Variants in TXN2 observed in about 807,000 individuals in gnomAD.
TXN2 encodes the protein thioredoxin, mitochondrial.
TXN2 carries 12 observed loss-of-function variants against 14.6 expected under a neutral mutation model. The ratio of observed to expected loss-of-function variants is 0.82; its 90% CI spans 0.53 to 1.33. The LOEUF is 1.33. TXN2 is among the 40% of genes most tolerant of loss of function. TXN2 has a pLI of 0.00. For missense variants in TXN2, 173 were observed against 207.7 expected (o/e 0.83, Z 1.03); for synonymous variants, 89 against 81.0 (o/e 1.10, Z -0.53).
At chr22:36,470,426 T>G (rs960355848) in intron 3 of TXN2, among the ~76,000 whole-genome samples, 2 of 152,196 alleles carry the variant, frequency 1.3e-5, no homozygotes, top group African/African-American at 4.8e-5. Context: ...TTTGGTGCCC[T>G]CTAGTGGTCT....
Position 36,467,772 on chromosome 22 carries a change from C to G in TXN2, c.*32G>C. 1.3e-6 allele frequency: 2 copies of G among 1,579,068 alleles called. No homozygotes were observed. Among genetic ancestry groups the G allele is most frequent in the Non-Finnish European group, 1.7e-6 (2 of 1,149,608 alleles). On this transcript the variant is annotated 3_prime_UTR_variant, in exon 4 of 4. Coordinates refer to ENST00000216185, the MANE Select transcript of TXN2 (RefSeq NM_012473.4). ...GGCTGAGTTCTATTGGGGTCCCACG[C>G]GGGCAAGGGAACCAGGACTCATCCC...
intron 2 of TXN2, among the ~76,000 whole-genome samples, chr22:36,478,550 C>T (rs1031286922): frequency 8.5e-5 from 13 of 152,118 alleles, no homozygotes; most frequent in African/African-American, 2.2e-4. Flanking sequence ...AGTGCAATGG[C>T]GCGATCTCGG....
chr22:36,478,733 C>T (rs190842462), intron 2 of TXN2, among the ~76,000 whole-genome samples: 11 of 151,922 alleles, frequency 7.2e-5, no homozygotes, highest in East Asian at 1.9e-4. Context: ...GAGGCCAAGG[C>T]GGGAGAGAAT....
Position 36,467,972 on chromosome 22 carries a change from T to A in TXN2, c.388-55A>T, listed in dbSNP as rs897823638. The A allele has an allele frequency of 2.0e-5, 30 of 1,469,026 alleles. 1 individual carries two copies. In the African/African-American group the frequency reaches 2.8e-4, roughly 14 times the overall value. 91.0% of individuals were successfully genotyped at this position (1,469,026 alleles called of 1,614,324 possible). On this transcript the variant is annotated intron_variant, in intron 3 of 3. Transcript: ENST00000216185. Reference sequence around the variant, plus strand: ...GAATTGGGAGTGAATACTTCTCAACTGCCACTCCTGAGCCTTTGTGGGGAA... The same window carrying A: ...GAATTGGGAGTGAATACTTCTCAACAGCCACTCCTGAGCCTTTGTGGGGAA...
rs560388379 is a variant in TXN2, at chr22:36,471,064, G to A, written c.388-3147C>T. ...GGACTTCCCTCGACCCTGAGGAGGCGGCTGAAGCTCTGCTGCTCCTGTGTC... is the reference window on the plus strand; with the variant it reads ...GGACTTCCCTCGACCCTGAGGAGGCAGCTGAAGCTCTGCTGCTCCTGTGTC... On this transcript the variant is annotated intron_variant, in intron 3 of 3. Transcript: ENST00000216185. Among the ~76,000 whole-genome samples, 57 of 152,266 alleles carry A rather than the reference G, an allele frequency of 3.7e-4. No individual in the cohort carries two copies. In the South Asian group the frequency reaches 6.8e-3, roughly 18 times the overall value.
At chr22:36,471,385 C>T (rs764647999) in intron 3 of TXN2, among the ~76,000 whole-genome samples, 3 of 152,152 alleles carry the variant, frequency 2.0e-5, no homozygotes, top group Non-Finnish European at 4.4e-5. Flanking sequence ...CACTGAGCTC[C>T]GTGTCCTGGT....
intron 3 of TXN2, 105 bp from the exon 4 acceptor site, chr22:36,468,022 G>C (rs1933196160): frequency 1.0e-6 from 1 of 959,870 alleles, no homozygotes; most frequent in South Asian, 1.4e-5. Flanking sequence ...CCAGGGCACT[G>C]ACTTCCCAAA....
intron 2 of TXN2, among the ~76,000 whole-genome samples, chr22:36,477,596 C>T (rs1933412629): frequency 6.6e-6 from 1 of 152,182 alleles, no homozygotes; most frequent in Admixed American, 6.6e-5. Context: ...GGTAAACATG[C>T]ATTGGAAGCT....
intron 3 of TXN2, among the ~76,000 whole-genome samples, chr22:36,471,976 A>G (rs8139205): frequency 0.13 from 19,289 of 151,368 alleles, 1,469 homozygotes; most frequent in African/African-American, 0.21. Flanking sequence ...TCTAAAAAAA[A>G]AAAAAAAAAA....
intron 3 of TXN2, among the ~76,000 whole-genome samples, chr22:36,474,929 C>A (rs1459463096): frequency 6.6e-6 from 1 of 152,232 alleles, no homozygotes; most frequent in Non-Finnish European, 1.5e-5. Flanking sequence ...AGGCACCTGG[C>A]CCCTGCTGGT....
At position 36,481,601 on chromosome 22, in the gene TXN2, C is replaced by T. The variant is rs1228347295; in HGVS notation, c.-38G>A. 1.3e-5 allele frequency: 13 copies of T among 999,522 alleles called. No homozygotes were observed. In the East Asian group the frequency reaches 1.4e-3, roughly 105 times the overall value. The allele number at this position is 999,522 out of a possible 1,614,324, so 61.9% of individuals were successfully genotyped here. ...CGAGCGGAGGGATGCACAGCCTAGC[C>T]CTCCCTGCCTGTCAAGGGCACGCCT... On this transcript the variant is annotated 5_prime_UTR_variant, in exon 1 of 4. Coordinates refer to ENST00000216185, the MANE Select transcript of TXN2 (RefSeq NM_012473.4).
At chr22:36,469,718 A>G (rs1311785017) in intron 3 of TXN2, among the ~76,000 whole-genome samples, 1 of 152,164 alleles carries the variant, frequency 6.6e-6, no homozygotes, top group South Asian at 2.1e-4. Context: ...CATTTTGGGA[A>G]GCCAAAGCGG....
At chr22:36,469,069 A>C (rs1222856463) in intron 3 of TXN2, among the ~76,000 whole-genome samples, 39 of 141,086 alleles carry the variant, frequency 2.8e-4, no homozygotes, top group African/African-American at 6.8e-4. Context: ...TAAATAAATA[A>C]ATACATAAAT....
Position 36,467,557 on chromosome 22 carries a change from C to A in TXN2, c.*247G>T. On this transcript the variant is annotated 3_prime_UTR_variant, in exon 4 of 4. Transcript: ENST00000216185. Reference sequence around the variant, plus strand: ...ACATCCTGGGAGAACTGCCATAGGCCCTAGAAGGAGGGATGAAAGGCGTAT... The same window carrying A: ...ACATCCTGGGAGAACTGCCATAGGCACTAGAAGGAGGGATGAAAGGCGTAT... 2.1e-6 allele frequency: 1 copy of A among 486,170 alleles called. No individual in the cohort carries two copies. Among genetic ancestry groups the A allele is most frequent in the Non-Finnish European group, 3.8e-6 (1 of 263,878 alleles). 30.1% of individuals were successfully genotyped at this position (486,170 alleles called of 1,614,324 possible). A position where few individuals can be genotyped will look rare whatever the true frequency, so the allele number is the denominator to read the frequency against.
intron 3 of TXN2, among the ~76,000 whole-genome samples, chr22:36,472,744 T>C (rs917014671): frequency 2.6e-5 from 4 of 152,130 alleles, no homozygotes; most frequent in African/African-American, 9.7e-5. Context: ...CGGTTCTGTA[T>C]GGCGCTGGAA....
chr22:36,476,815 TTC>T lies in TXN2; in HGVS notation c.303_304del (p.Lys102AspfsTer17), dbSNP rs761836163. On this transcript the variant is annotated frameshift_variant, in exon 3 of 4. Coordinates refer to ENST00000216185, the MANE Select transcript of TXN2 (RefSeq NM_012473.4). LOFTEE classifies it high-confidence loss of function. ...CTTCCCGTGCTGCTTGGCCACCATC[TTC>T]TCTAACCTCGGCCCCAGGATCTTGC... 6.2e-7 allele frequency: 1 copy of T among 1,614,102 alleles called. No homozygotes were observed. The highest frequency in any genetic ancestry group is 8.5e-7 in the Non-Finnish European group (1 of 1,180,016).
rs755748616 is a variant in TXN2, at chr22:36,467,635, G to A, written c.*169C>T. The A allele has an allele frequency of 3.1e-5, 19 of 610,420 alleles. No individual in the cohort carries two copies. The highest frequency in any genetic ancestry group is 5.0e-5 in the Non-Finnish European group (17 of 341,990). 37.8% of individuals were successfully genotyped at this position (610,420 alleles called of 1,614,324 possible). On this transcript the variant is annotated 3_prime_UTR_variant, in exon 4 of 4. Coordinates refer to ENST00000216185, the MANE Select transcript of TXN2 (RefSeq NM_012473.4). ...AGCAGCAGCACCACCATCCTCTGAT[G>A]GCCCCTGGGCAGTCCGCCAGCTCGG...
chr22:36,475,852 C>T (rs1009327756), intron 3 of TXN2, among the ~76,000 whole-genome samples: 2 of 152,186 alleles, frequency 1.3e-5, no homozygotes, highest in Non-Finnish European at 2.9e-5. Context: ...TCTTTGTGCA[C>T]GCTGTTTCCT....
At chr22:36,473,637 C>G (rs561321915) in intron 3 of TXN2, among the ~76,000 whole-genome samples, 2 of 152,188 alleles carry the variant, frequency 1.3e-5, no homozygotes, top group African/African-American at 4.8e-5. Context: ...GATGTCAGAC[C>G]AGGGTTTGGC....
Sources: allele counts gnomAD v4.1 joint callset (sites outside exome capture counted in the v4.1 genomes callset), GRCh38; gene constraint gnomAD v4.1.1; transcripts MANE v1.5; gene names NCBI Gene and HGNC (gene_info 2026-07-23, HGNC 2026-07-21).